The following TRIM42 variants were observed in gnomAD, a reference collection of about 807,000 sequenced individuals.
The protein encoded by TRIM42 is tripartite motif-containing protein 42.
TRIM42 carries 59 observed loss-of-function variants against 64.9 expected under a neutral mutation model. The ratio of observed to expected loss-of-function variants is 0.91; its 90% CI spans 0.74 to 1.13. The LOEUF (loss-of-function observed/expected upper bound fraction) is 1.13, where lower values mean the gene tolerates loss of function less well. Ranked by LOEUF, TRIM42 falls within the 50% of genes most tolerant of loss-of-function variation. The probability of loss-of-function intolerance (pLI) is 0.00; values close to 1 mark genes in which losing one functional copy is unlikely to be tolerated. For missense variants in TRIM42, 878 were observed against 929.5 expected (o/e 0.94, Z 0.72); for synonymous variants, 354 against 346.3 (o/e 1.02, Z -0.25).
Position 140,682,814 on chromosome 3 carries a change from TC to T in TRIM42, c.696del (p.Ser233ProfsTer123). 6.2e-7 allele frequency: 1 copy of T among 1,614,006 alleles called. No homozygotes were observed. The highest frequency in any genetic ancestry group is 8.5e-7 in the Non-Finnish European group (1 of 1,180,026). The part of the protein sequence containing the change: ...HGYLKWRFDR[S>X]SGPILCQVCR... Reference sequence around the variant, plus strand: ...CTACCTCAAGTGGCGCTTTGACCGCTCCTCCGGGCCCATCCTCTGCCAGGTC... The same window carrying T: ...CTACCTCAAGTGGCGCTTTGACCGCTCTCCGGGCCCATCCTCTGCCAGGTC... On this transcript the variant is annotated frameshift_variant, in exon 2 of 5. Coordinates refer to ENST00000286349, the MANE Select transcript of TRIM42 (RefSeq NM_152616.5). LOFTEE classifies it high-confidence loss of function.
chr3:140,679,380 C>T (rs1036046798), intron 1 of TRIM42, among the ~76,000 whole-genome samples: 1 of 152,090 alleles, frequency 6.6e-6, no homozygotes, highest in African/African-American at 2.4e-5. Context: ...TTATGTCACA[C>T]ATGAGGGGAG....
chr3:140,690,346 T>C (rs1319896539), intron 3 of TRIM42, among the ~76,000 whole-genome samples: 1 of 151,866 alleles, frequency 6.6e-6, no homozygotes, highest in Admixed American at 6.6e-5. Context: ...CAACAGTATT[T>C]ATTACAGCAT....
intron 4 of TRIM42, among the ~76,000 whole-genome samples, chr3:140,697,685 A>AT (rs1330165112): frequency 3.3e-5 from 5 of 151,778 alleles, no homozygotes; most frequent in South Asian, 2.1e-4. Context: ...TTGTTTGTTT[A>AT]TTTTTTGTTT....
Position 140,697,926 on chromosome 3 carries a change from G to C in TRIM42, c.2086-2962G>C, listed in dbSNP as rs1320269093. 2.6e-5 allele frequency among the ~76,000 whole-genome samples: 4 copies of C among 152,148 alleles called. No homozygotes were observed. The East Asian group carries it at 7.8e-4, about 30-fold the overall frequency. The stretch of plus-strand genomic sequence containing the variant: ...TCTCTATCTCCTGACCTCGTGATCT[G>C]CCGGCCTCAGCCTCCCAAAGTGCTG... On this transcript the variant is annotated intron_variant, in intron 4 of 4. Coordinates refer to ENST00000286349, the MANE Select transcript of TRIM42 (RefSeq NM_152616.5).
At chr3:140,680,803 T>C (rs1988370754) in intron 1 of TRIM42, 3 of 592,600 alleles carry the variant, frequency 5.1e-6, no homozygotes, top group Non-Finnish European at 6.4e-6. Context: ...GAGCATTCTC[T>C]GTCACCACAG....
rs147895074 is a variant in TRIM42 at position 140,693,284 on chromosome 3, T to C, written c.2085+2092T>C. 6.1e-3 allele frequency among the ~76,000 whole-genome samples: 924 copies of C among 152,372 alleles called. 6 individuals are homozygous for C. The highest frequency in any genetic ancestry group is 8.8e-3 in the Non-Finnish European group (602 of 68,038). ...TGAAATTGTGTTTATGTGATTAATT[T>C]GCCCTCCCTGTAAGAGAAGGAAATG... is the stretch of plus-strand genomic sequence containing the variant. On this transcript the variant is annotated intron_variant, in intron 4 of 4. Transcript: ENST00000286349.
Position 140,680,438 on chromosome 3 carries a change from T to G in TRIM42, c.341+1868T>G, listed in dbSNP as rs192927616. 5.9e-5 allele frequency among the ~76,000 whole-genome samples: 9 copies of G among 152,246 alleles called. No individual in the cohort carries two copies. In the East Asian group the frequency reaches 1.7e-3, roughly 29 times the overall value. ...TCCCTAGGCCATTAATACCTGTCTC[T>G]TAGCCCTGAGACCTCTTTCTCATCC... On this transcript the variant is annotated intron_variant, in intron 1 of 4. Coordinates refer to ENST00000286349, the MANE Select transcript of TRIM42 (RefSeq NM_152616.5).
chr3:140,695,125 G>A (rs1292687535), intron 4 of TRIM42, among the ~76,000 whole-genome samples: 2 of 152,088 alleles, frequency 1.3e-5, no homozygotes, highest in East Asian at 1.9e-4. Flanking sequence ...GTGTGCGCTT[G>A]TCATCCCAGC....
chr3:140,691,962 T>A (rs1314481046), intron 4 of TRIM42, among the ~76,000 whole-genome samples: 1 of 120,110 alleles, frequency 8.3e-6, no homozygotes, highest in East Asian at 2.4e-4. Flanking sequence ...AATCAGGAAT[T>A]CTTTAGAAGA....
chr3:140,678,175 C>T lies in TRIM42; in HGVS notation c.-55C>T. 1 of 1,463,970 alleles carries T rather than the reference C, an allele frequency of 6.8e-7. No homozygotes were observed. Among genetic ancestry groups the T allele is most frequent in the South Asian group, 1.2e-5 (1 of 81,760 alleles). 90.7% of individuals were successfully genotyped at this position (1,463,970 alleles called of 1,614,324 possible). On this transcript the variant is annotated 5_prime_UTR_variant, in exon 1 of 5. Coordinates refer to ENST00000286349, the MANE Select transcript of TRIM42 (RefSeq NM_152616.5). ...CCACTGGAGAACTGATAGCAGTATT[C>T]TGGTAGAGGAGGCATCAAGAGTCCT... is the stretch of plus-strand genomic sequence containing the variant.
At chr3:140,684,444 C>T (rs72977031) in intron 2 of TRIM42, among the ~76,000 whole-genome samples, 3 of 152,142 alleles carry the variant, frequency 2.0e-5, no homozygotes, top group Admixed American at 6.5e-5. Context: ...AGGCCTTTCT[C>T]TTTGTCAGAT....
At chr3:140,699,076 A>G (rs1482416104) in intron 4 of TRIM42, among the ~76,000 whole-genome samples, 1 of 152,002 alleles carries the variant, frequency 6.6e-6, no homozygotes, top group African/African-American at 2.4e-5. Flanking sequence ...TTTTTGCATT[A>G]TTTGAGGTAA....
chr3:140,681,723 T>TAAAGCATGA (rs1364176313), intron 1 of TRIM42, among the ~76,000 whole-genome samples: 1 of 152,066 alleles, frequency 6.6e-6, no homozygotes, highest in Non-Finnish European at 1.5e-5. Context: ...AGTGAGAACA[T>TAAAGCATGA]AAAGCATGGG....
Position 140,691,214 on chromosome 3 carries a change from A to G in TRIM42, c.2085+22A>G. The G allele has an allele frequency of 1.9e-6, 3 of 1,606,552 alleles. 1 individual carries two copies. The South Asian group carries it at 3.3e-5, about 18-fold the overall frequency. On this transcript the variant is annotated intron_variant, in intron 4 of 4. Transcript: ENST00000286349. Reference sequence around the variant, plus strand: ...CAAGGTATTGTGTGCGTTATTTCTCAGACAGATTTTTTTTTCTATGGTAGG... The same window carrying G: ...CAAGGTATTGTGTGCGTTATTTCTCGGACAGATTTTTTTTTCTATGGTAGG...
intron 4 of TRIM42, 114 bp downstream of exon 4, chr3:140,691,306 G>C: frequency 1.1e-6 from 1 of 895,422 alleles, no homozygotes; most frequent in Non-Finnish European, 1.7e-6. Context: ...CTTCCTCTAA[G>C]CACAGAACAT....
In TRIM42 at chr3:140,687,719, C is replaced by T. The variant is rs1443729511; in HGVS notation, c.1040-3C>T. On this transcript the variant is annotated splice_polypyrimidine_tract_variant and splice_region_variant and intron_variant, in intron 2 of 4. Coordinates refer to ENST00000286349, the MANE Select transcript of TRIM42 (RefSeq NM_152616.5). ...AAAAGTAACTAACTTGGCATTTTTG[C>T]AGTCCGATATGAAATTGATAATGAC... is the stretch of plus-strand genomic sequence containing the variant. 1 of 1,589,374 alleles carries T rather than the reference C, an allele frequency of 6.3e-7. No homozygotes were observed. The highest frequency in any genetic ancestry group is 1.4e-5 in the African/African-American group (1 of 73,310).
chr3:140,697,372 T>C (rs905454298), intron 4 of TRIM42, among the ~76,000 whole-genome samples: 2 of 152,208 alleles, frequency 1.3e-5, no homozygotes, highest in African/African-American at 4.8e-5. Context: ...TATTTTTTCT[T>C]TATAGCTTAA....
rs1054764275 is a variant in TRIM42, at chr3:140,691,233, T to C, written c.2085+41T>C. 3 of 1,548,058 alleles carry C rather than the reference T, an allele frequency of 1.9e-6. No homozygotes were observed. The Admixed American group carries it at 5.0e-5, about 26-fold the overall frequency. ...TTTCTCAGACAGATTTTTTTTTCTA[T>C]GGTAGGTTCTGGATGAGGCCCTGTT... On this transcript the variant is annotated intron_variant, in intron 4 of 4. Coordinates refer to ENST00000286349, the MANE Select transcript of TRIM42 (RefSeq NM_152616.5).
At chr3:140,699,759 A>G (rs1988952127) in intron 4 of TRIM42, among the ~76,000 whole-genome samples, 1 of 152,194 alleles carries the variant, frequency 6.6e-6, no homozygotes, top group South Asian at 2.1e-4. Flanking sequence ...ATCTCTATGC[A>G]TTATTTCCAT....
Sources: allele counts gnomAD v4.1 joint callset (sites outside exome capture counted in the v4.1 genomes callset), GRCh38; gene constraint gnomAD v4.1.1; transcripts MANE v1.5; gene names NCBI Gene and HGNC (gene_info 2026-07-23, HGNC 2026-07-21).